The following SFSWAP variants were observed in gnomAD, a reference collection of about 807,000 sequenced individuals.
SFSWAP encodes splicing factor SWAP, also known as splicing factor, suppressor of white-apricot homolog.
A neutral mutation model predicts 100.7 loss-of-function variants in SFSWAP; 17 were observed. The observed-to-expected ratio is 0.17, with a 90% CI of 0.12 to 0.25. The LOEUF (loss-of-function observed/expected upper bound fraction) is 0.25, where lower values mean the gene tolerates loss of function less well. Ranked by LOEUF, SFSWAP falls within the 10% of genes least tolerant of loss-of-function variation. The probability of loss-of-function intolerance (pLI) is 1.00; values close to 1 mark genes in which losing one functional copy is unlikely to be tolerated. For synonymous variants in SFSWAP, 504 were observed against 510.1 expected (o/e 0.99, Z 0.16); for missense variants, 1,005 against 1,262.6 (o/e 0.80, Z 3.09).
Position 131,799,668 on chromosome 12 carries a change from T to G in SFSWAP, c.*180T>G. 1 of 588,852 alleles carries G rather than the reference T, an allele frequency of 1.7e-6. No homozygotes were observed. The highest frequency in any genetic ancestry group is 3.0e-6 in the Non-Finnish European group (1 of 333,000). The allele number at this position is 588,852 out of a possible 1,614,324, so 36.5% of individuals were successfully genotyped here. On this transcript the variant is annotated 3_prime_UTR_variant, in exon 18 of 18. Transcript: ENST00000261674. ...ACCAGCAGTCTCTTACCTGTATATT[T>G]GTAAATATATCATGTTTCTGTGAAA...
At chr12:131,783,038 A>G (rs867195157) in intron 14 of SFSWAP, among the ~76,000 whole-genome samples, 7 of 152,094 alleles carry the variant, frequency 4.6e-5, no homozygotes, top group Admixed American at 2.6e-4. Context: ...AAAATCAGCC[A>G]GGCGTGTTGG....
At chr12:131,726,600 G>T (rs1485586451) in intron 5 of SFSWAP, among the ~76,000 whole-genome samples, 1 of 152,168 alleles carries the variant, frequency 6.6e-6, no homozygotes, top group Non-Finnish European at 1.5e-5. Flanking sequence ...TTTTGTTGTA[G>T]TTGTTTATTT....
chr12:131,720,548 G>A (rs1466802143), intron 4 of SFSWAP, among the ~76,000 whole-genome samples: 1 of 152,170 alleles, frequency 6.6e-6, no homozygotes, highest in Admixed American at 6.5e-5. Flanking sequence ...AAGTGGCATC[G>A]ATGCAGGCAT....
chr12:131,750,497 G>A (rs570526414), intron 7 of SFSWAP, among the ~76,000 whole-genome samples: 50 of 151,938 alleles, frequency 3.3e-4, no homozygotes, highest in African/African-American at 1.2e-3. Context: ...CAGAGGCTGC[G>A]CGTGTCTCGG....
chr12:131,746,928 C>T (rs1468076238), intron 7 of SFSWAP, among the ~76,000 whole-genome samples: 2 of 152,034 alleles, frequency 1.3e-5, no homozygotes, highest in East Asian at 1.9e-4. Context: ...CACGGTGAAA[C>T]CCGGTCTCTA....
Position 131,730,630 on chromosome 12 carries a change from G to T in SFSWAP, c.1081+2202G>T, listed in dbSNP as rs546162281. On this transcript the variant is annotated intron_variant, in intron 7 of 17. Coordinates refer to ENST00000261674, the MANE Select transcript of SFSWAP (RefSeq NM_004592.4). The surrounding 1 kb of genome is among the most constrained non-coding windows in gnomAD (Gnocchi z 4.0). ...GGTACATTCCCAAGGGTTCACCGCAGGGCGGCCAGAGCCCACACACTTTGG... is the reference window on the plus strand; with the variant it reads ...GGTACATTCCCAAGGGTTCACCGCATGGCGGCCAGAGCCCACACACTTTGG... Among the ~76,000 whole-genome samples, 12 of 152,268 alleles carry T rather than the reference G, an allele frequency of 7.9e-5. No homozygotes were observed. The East Asian group carries it at 2.3e-3, about 29-fold the overall frequency.
At chr12:131,795,342 C>T (rs1370110122) in intron 15 of SFSWAP, among the ~76,000 whole-genome samples, 2 of 152,204 alleles carry the variant, frequency 1.3e-5, no homozygotes, top group Non-Finnish European at 2.9e-5. Context: ...CTGGCACCAA[C>T]ACAGTCTGCT....
chr12:131,773,658 A>C (rs1424279138), intron 13 of SFSWAP, among the ~76,000 whole-genome samples: 1 of 152,232 alleles, frequency 6.6e-6, no homozygotes, highest in Non-Finnish European at 1.5e-5. Context: ...AATGTTTTCA[A>C]GTTACTGATC....
intron 7 of SFSWAP, among the ~76,000 whole-genome samples, chr12:131,737,403 A>G (rs1593129818): frequency 6.6e-6 from 1 of 152,108 alleles, no homozygotes; most frequent in African/African-American, 2.4e-5. Flanking sequence ...CGCTGCTTGC[A>G]TTTTTTCAGC....
intron 11 of SFSWAP, among the ~76,000 whole-genome samples, chr12:131,761,515 G>A (rs1318992136): frequency 1.3e-5 from 2 of 152,184 alleles, no homozygotes; most frequent in African/African-American, 4.8e-5. Context: ...AATGTGAAAG[G>A]GACAGGAGAA....
At chr12:131,763,487 G>A (rs899780373) in intron 11 of SFSWAP, among the ~76,000 whole-genome samples, 1 of 152,202 alleles carries the variant, frequency 6.6e-6, no homozygotes, top group African/African-American at 2.4e-5. Context: ...TGTTCATTGA[G>A]TGGTGGGGCG....
chr12:131,724,666 G>A (rs1264969548), intron 4 of SFSWAP, among the ~76,000 whole-genome samples: 1 of 152,238 alleles, frequency 6.6e-6, no homozygotes, highest in Non-Finnish European at 1.5e-5. Flanking sequence ...TCCATTTGTG[G>A]GCAGGAAATG....
intron 8 of SFSWAP, 82 bp downstream of exon 8, chr12:131,753,445 G>A: frequency 4.7e-6 from 7 of 1,492,452 alleles, no homozygotes; most frequent in Non-Finnish European, 6.3e-6. Context: ...TCCATGGGGG[G>A]CTTGTAATCT....
chr12:131,716,965 CTTCTT>C (rs945800528), intron 3 of SFSWAP, among the ~76,000 whole-genome samples: 5 of 152,122 alleles, frequency 3.3e-5, no homozygotes, highest in African/African-American at 1.2e-4. Flanking sequence ...TACAATGTTA[CTTCTT>C]TTCTTTCTGT....
At chr12:131,715,049 A>G (rs2136174050) in intron 3 of SFSWAP, 96 bp downstream of exon 3, 1 of 1,262,586 alleles carries the variant, frequency 7.9e-7, no homozygotes, top group East Asian at 2.3e-5. Context: ...CATCTCTGGC[A>G]CTCATGATAG....
intron 14 of SFSWAP, chr12:131,784,854 A>G (rs961910647): frequency 5.0e-6 from 2 of 402,142 alleles, no homozygotes; most frequent in Non-Finnish European, 8.8e-6. Context: ...TCTATTACTA[A>G]TAGCCATGAC....
intron 15 of SFSWAP, among the ~76,000 whole-genome samples, chr12:131,790,547 C>T (rs563869355): frequency 2.2e-4 from 33 of 152,288 alleles, no homozygotes; most frequent in African/African-American, 7.2e-4. Flanking sequence ...CACCTACAGC[C>T]GCAGCTACTT....
At chr12:131,715,055 G>T in intron 3 of SFSWAP, 102 bp downstream of exon 3, 1 of 1,199,856 alleles carries the variant, frequency 8.3e-7, no homozygotes, top group Non-Finnish European at 1.2e-6. Context: ...TGGCACTCAT[G>T]ATAGCACCAC....
chr12:131,769,600 A>G (rs1275856653), intron 13 of SFSWAP, among the ~76,000 whole-genome samples: 2 of 151,782 alleles, frequency 1.3e-5, no homozygotes, highest in Non-Finnish European at 2.9e-5. Context: ...TCTGTGTCCT[A>G]TTTATTTATT....
Sources: allele counts gnomAD v4.1 joint callset (sites outside exome capture counted in the v4.1 genomes callset), GRCh38; gene constraint gnomAD v4.1.1; non-coding constraint Gnocchi (gnomAD v3.1); transcripts MANE v1.5; gene names NCBI Gene and HGNC (gene_info 2026-07-23, HGNC 2026-07-21).